ERC2: variants seen among roughly 807,000 people sequenced by gnomAD.
ERC2 encodes ELKS/RAB6-interacting/CAST family member 2, also known as ERC protein 2.
Under a neutral mutation model 114.8 loss-of-function variants are expected in ERC2, and 42 were observed. That is an observed-to-expected ratio of 0.37 (90% CI 0.29 to 0.47). The LOEUF (loss-of-function observed/expected upper bound fraction) is 0.47, where lower values mean the gene tolerates loss of function less well. ERC2 is among the 20% of genes least tolerant of loss of function. ERC2 has a pLI of 0.99. For missense variants in ERC2, 939 were observed against 1,150.7 expected (o/e 0.82, Z 2.66); for synonymous variants, 454 against 425.5 (o/e 1.07, Z -0.82).
chr3:55,789,770 G>A (rs893279461), intron 14 of ERC2, among the ~76,000 whole-genome samples: 2 of 152,072 alleles, frequency 1.3e-5, no homozygotes, highest in Non-Finnish European at 2.9e-5. Context: ...AAACATAGAG[G>A]GTAATAAGCC....
chr3:55,844,163 A>G (rs1019894585), intron 14 of ERC2, among the ~76,000 whole-genome samples: 2 of 152,204 alleles, frequency 1.3e-5, no homozygotes, highest in African/African-American at 2.4e-5. Flanking sequence ...ACTACTGTTG[A>G]AAGGTTGAAC....
chr3:56,317,386 A>G (rs1400591154), intron 2 of ERC2, among the ~76,000 whole-genome samples: 1 of 152,212 alleles, frequency 6.6e-6, no homozygotes, highest in Admixed American at 6.5e-5. Flanking sequence ...GCAGCTACGA[A>G]GGTAGCGATA....
intron 6 of ERC2, among the ~76,000 whole-genome samples, chr3:56,084,671 T>C (rs1268261900): frequency 6.6e-6 from 1 of 152,112 alleles, no homozygotes; most frequent in Non-Finnish European, 1.5e-5. Flanking sequence ...CAGATGCATG[T>C]GAAGTCGTAT....
intron 12 of ERC2, among the ~76,000 whole-genome samples, chr3:55,966,834 C>G (rs1226880480): frequency 3.3e-5 from 5 of 152,202 alleles, no homozygotes; most frequent in Admixed American, 3.3e-4. Context: ...CCACCATGGG[C>G]TGTTCCAAGT....
intron 14 of ERC2, among the ~76,000 whole-genome samples, chr3:55,848,996 C>G (rs1486997006): frequency 6.6e-6 from 1 of 152,158 alleles, no homozygotes. Flanking sequence ...ACATCTTAGG[C>G]ACTTAAATAT....
intron 1 of ERC2, among the ~76,000 whole-genome samples, chr3:56,438,166 T>A (rs1281316811): frequency 6.6e-6 from 1 of 152,206 alleles, no homozygotes; most frequent in East Asian, 1.9e-4. Context: ...TCTGAGTTCC[T>A]TTCTAAGGAA....
At chr3:55,820,854 T>C (rs558431218) in intron 14 of ERC2, among the ~76,000 whole-genome samples, 3 of 152,344 alleles carry the variant, frequency 2.0e-5, no homozygotes, top group African/African-American at 4.8e-5. Flanking sequence ...GAACATTTAG[T>C]GAGCCCTGGG....
chr3:56,071,797 G>C (rs1284253340), intron 7 of ERC2, among the ~76,000 whole-genome samples: 1 of 152,190 alleles, frequency 6.6e-6, no homozygotes, highest in Non-Finnish European at 1.5e-5. Context: ...TACTGAATTT[G>C]TTGCTTCACA....
Position 55,871,416 on chromosome 3 carries a change from T to C in ERC2, c.2564+16973A>G, listed in dbSNP as rs535050006. On this transcript the variant is annotated intron_variant, in intron 14 of 17. Transcript: ENST00000288221. ...GTTCAGACCTCACCAGAGATTCAGG[T>C]GTTTAATTTCCCTACAAAGAAGGCT... Among the ~76,000 whole-genome samples, 5 of 152,218 alleles carry C rather than the reference T, an allele frequency of 3.3e-5. No homozygotes were observed. The South Asian group carries it at 1.0e-3, about 32-fold the overall frequency.
intron 8 of ERC2, among the ~76,000 whole-genome samples, chr3:56,016,956 A>T (rs573740270): frequency 3.3e-5 from 5 of 152,106 alleles, no homozygotes; most frequent in Admixed American, 2.6e-4. Context: ...CCCTCACAAC[A>T]TCCCATGCAT....
chr3:55,521,565 C>T, intron 17 of ERC2, among the ~76,000 whole-genome samples: 1 of 152,210 alleles, frequency 6.6e-6, no homozygotes, highest in East Asian at 1.9e-4. Flanking sequence ...TCAGGCTGGG[C>T]CATTTCCAGA....
chr3:56,234,766 G>A (rs1347953803), intron 3 of ERC2, among the ~76,000 whole-genome samples: 2 of 152,182 alleles, frequency 1.3e-5, no homozygotes, highest in Non-Finnish European at 2.9e-5. Flanking sequence ...ATCAAAGGGG[G>A]AAGGTGAGAT....
At chr3:55,717,118 C>G (rs2064166322) in intron 15 of ERC2, among the ~76,000 whole-genome samples, 1 of 152,212 alleles carries the variant, frequency 6.6e-6, no homozygotes, top group Non-Finnish European at 1.5e-5. Flanking sequence ...GTTTTAGGAA[C>G]TGCTGCTGCA....
chr3:55,971,334 T>A (rs933028259), intron 12 of ERC2, among the ~76,000 whole-genome samples: 3 of 152,156 alleles, frequency 2.0e-5, no homozygotes, highest in Admixed American at 6.5e-5. Context: ...GGGTGAATTT[T>A]ATGGTATGCA....
intron 3 of ERC2, among the ~76,000 whole-genome samples, chr3:56,282,781 C>T (rs2054435587): frequency 6.6e-6 from 1 of 152,108 alleles, no homozygotes; most frequent in South Asian, 2.1e-4. Context: ...AGCCCAACAA[C>T]CCTCAAATGT....
intron 2 of ERC2, among the ~76,000 whole-genome samples, chr3:56,319,874 G>T (rs2057046570): frequency 6.6e-6 from 1 of 152,070 alleles, no homozygotes; most frequent in Non-Finnish European, 1.5e-5. Flanking sequence ...AGACCACACA[G>T]AATCCCAGAG....
intron 17 of ERC2, chr3:55,607,724 G>C (rs572209027): frequency 2.0e-5 from 3 of 151,958 alleles, no homozygotes; most frequent in African/African-American, 7.2e-5. Context: ...ACCAGCATCG[G>C]GGTAAGGGAG....
intron 17 of ERC2, among the ~76,000 whole-genome samples, chr3:55,594,296 T>C (rs937725473): frequency 3.3e-5 from 5 of 152,290 alleles, no homozygotes; most frequent in African/African-American, 1.2e-4. Flanking sequence ...CAGGATTACA[T>C]GACTCAGAAT....
At chr3:55,519,395 T>C (rs1247922992) in intron 17 of ERC2, among the ~76,000 whole-genome samples, 2 of 152,214 alleles carry the variant, frequency 1.3e-5, no homozygotes, top group Admixed American at 1.3e-4. Context: ...GATGTTAATG[T>C]GGAATACCTC....
Sources: allele counts gnomAD v4.1 joint callset (sites outside exome capture counted in the v4.1 genomes callset), GRCh38; gene constraint gnomAD v4.1.1; transcripts MANE v1.5; gene names NCBI Gene and HGNC (gene_info 2026-07-23, HGNC 2026-07-21).